The following AHI1 variants were observed in gnomAD, a reference collection of about 807,000 sequenced individuals.
The protein encoded by AHI1 is Abelson helper integration site 1.
In AHI1, 123 loss-of-function variants were observed where a neutral mutation model predicts 149.3. That is an observed-to-expected ratio of 0.82 (90% CI 0.71 to 0.96). The LOEUF is 0.96. Among genes scored for constraint, AHI1 ranks in the 40% least tolerant of loss-of-function variants. The pLI is 0.00. For missense variants in AHI1, 1,439 were observed against 1,422.7 expected (o/e 1.01, Z -0.18); for synonymous variants, 475 against 459.8 (o/e 1.03, Z -0.42).
At chr6:135,340,062 A>C (rs1218938488) in intron 24 of AHI1, among the ~76,000 whole-genome samples, 1 of 152,110 alleles carries the variant, frequency 6.6e-6, no homozygotes, top group African/African-American at 2.4e-5. Flanking sequence ...CCAGCAAAAC[A>C]CTCCTTTAAA....
chr6:135,349,007 A>G (rs1413018047), intron 24 of AHI1, among the ~76,000 whole-genome samples: 1 of 152,198 alleles, frequency 6.6e-6, no homozygotes, highest in Non-Finnish European at 1.5e-5. Context: ...TTAAAACATC[A>G]AGGAGTTATG....
intron 26 of AHI1, among the ~76,000 whole-genome samples, chr6:135,315,521 C>G (rs1229019797): frequency 6.6e-6 from 1 of 152,108 alleles, no homozygotes; most frequent in East Asian, 1.9e-4. Context: ...TCTATCAAGT[C>G]TCTCAACCTC....
chr6:135,460,796 G>A (rs1219526822), intron 8 of AHI1, among the ~76,000 whole-genome samples: 1 of 152,130 alleles, frequency 6.6e-6, no homozygotes, highest in Non-Finnish European at 1.5e-5. Context: ...TTATTTATGG[G>A]AAAAGTGACA....
chr6:135,389,510 T>C (rs544766759), intron 23 of AHI1, among the ~76,000 whole-genome samples: 34 of 152,260 alleles, frequency 2.2e-4, no homozygotes, highest in African/African-American at 7.9e-4. Flanking sequence ...AAGTTTAACA[T>C]AGTTTTACAA....
At chr6:135,354,699 A>C (rs1299393831) in intron 24 of AHI1, among the ~76,000 whole-genome samples, 1 of 152,222 alleles carries the variant, frequency 6.6e-6, no homozygotes, top group African/African-American at 2.4e-5. Flanking sequence ...AAGCAAGTGC[A>C]GAGGGACTAA....
At chr6:135,380,346 A>G (rs1776559646) in intron 23 of AHI1, among the ~76,000 whole-genome samples, 3 of 152,050 alleles carry the variant, frequency 2.0e-5, no homozygotes, top group Non-Finnish European at 4.4e-5. Context: ...TTTATACAGC[A>G]TTTACATTGT....
At chr6:135,472,073 T>C (rs1188227231) in intron 5 of AHI1, among the ~76,000 whole-genome samples, 3 of 144,888 alleles carry the variant, frequency 2.1e-5, no homozygotes, top group African/African-American at 7.6e-5. Flanking sequence ...TCAATAAAAT[T>C]TGCCAATTTT....
At chr6:135,373,075 AGG>A (rs1775303869) in intron 23 of AHI1, among the ~76,000 whole-genome samples, 1 of 152,234 alleles carries the variant, frequency 6.6e-6, no homozygotes, top group Non-Finnish European at 1.5e-5. Flanking sequence ...TTAACGTACT[AGG>A]ACTGTTTTAA....
chr6:135,481,278 G>A (rs760407833), intron 5 of AHI1, among the ~76,000 whole-genome samples: 5 of 152,144 alleles, frequency 3.3e-5, no homozygotes, highest in Non-Finnish European at 4.4e-5. Flanking sequence ...CTGGTATTCT[G>A]TTATAAGCAA....
chr6:135,423,798 A>C (rs1462154236), intron 20 of AHI1, among the ~76,000 whole-genome samples: 1 of 151,966 alleles, frequency 6.6e-6, no homozygotes, highest in Non-Finnish European at 1.5e-5. Context: ...TGGTTAATAT[A>C]CTCTGGTTAA....
At chr6:135,399,140 T>A (rs192989763) in intron 22 of AHI1, among the ~76,000 whole-genome samples, 312 of 152,332 alleles carry the variant, frequency 2.0e-3, no homozygotes, top group Non-Finnish European at 2.5e-3. Context: ...GCTGTGATGA[T>A]GCTACTGCAC....
Position 135,377,829 on chromosome 6 carries a change from T to C in AHI1, c.3109+16947A>G, listed in dbSNP as rs112639100. Among the ~76,000 whole-genome samples the C allele has an allele frequency of 8.4e-3, 1,283 of 152,048 alleles. 15 individuals are homozygous for C. The highest frequency in any genetic ancestry group is 0.029 in the African/African-American group (1,194 of 41,450). On this transcript the variant is annotated intron_variant, in intron 23 of 28. Coordinates refer to ENST00000265602, the MANE Select transcript of AHI1 (RefSeq NM_001134831.2). ...TTATTAAAAGCAATTAGAAAACAAA[T>C]AGAGCACTCCTTCTCAACTCTGGAT...
At chr6:135,433,340 T>C (rs1784927564) in intron 15 of AHI1, 84 bp from the exon 16 acceptor site, 2 of 908,964 alleles carry the variant, frequency 2.2e-6, no homozygotes, top group East Asian at 2.6e-5. Flanking sequence ...ACACAGCCAA[T>C]GAACCTTAAG....
At chr6:135,412,263 G>A (rs1583102255) in intron 20 of AHI1, among the ~76,000 whole-genome samples, 1 of 152,160 alleles carries the variant, frequency 6.6e-6, no homozygotes, top group Non-Finnish European at 1.5e-5. Flanking sequence ...ATCTACAGAT[G>A]ATTCCAAGTA....
intron 14 of AHI1, among the ~76,000 whole-genome samples, chr6:135,441,356 C>T (rs1786266946): frequency 6.8e-6 from 1 of 146,286 alleles, no homozygotes; most frequent in African/African-American, 2.4e-5. Context: ...AGAGTACCAA[C>T]ACAGGCATAA....
intron 23 of AHI1, among the ~76,000 whole-genome samples, chr6:135,366,275 T>A (rs1176993240): frequency 6.6e-6 from 1 of 152,120 alleles, no homozygotes. Flanking sequence ...TTCCTGGCTT[T>A]GGTATTACGG....
intron 23 of AHI1, among the ~76,000 whole-genome samples, chr6:135,381,117 A>G (rs550093649): frequency 6.6e-6 from 1 of 152,202 alleles, no homozygotes; most frequent in South Asian, 2.1e-4. Flanking sequence ...TCTTCATTAA[A>G]TCTTCACTTC....
intron 23 of AHI1, among the ~76,000 whole-genome samples, chr6:135,375,738 GT>G (rs1775816941): frequency 6.6e-6 from 1 of 152,180 alleles, no homozygotes; most frequent in Admixed American, 6.5e-5. Flanking sequence ...ATATTTTCAA[GT>G]TATGTTCACT....
At chr6:135,379,807 T>C (rs1007611983) in intron 23 of AHI1, among the ~76,000 whole-genome samples, 2 of 152,132 alleles carry the variant, frequency 1.3e-5, no homozygotes, top group African/African-American at 2.4e-5. Flanking sequence ...AGTACATTCC[T>C]GTTTCAGGAT....
Sources: gnomAD v4.1 joint callset for allele counts (sites outside exome capture counted in the v4.1 genomes callset) on GRCh38, gnomAD v4.1.1 for gene constraint, MANE v1.5 for transcripts, NCBI Gene and HGNC (gene_info 2026-07-23, HGNC 2026-07-21) for gene names.